RIMS2: variants seen among roughly 807,000 people sequenced by gnomAD.
RIMS2 encodes the protein regulating synaptic membrane exocytosis protein 2.
In RIMS2, 59 loss-of-function variants were observed where a neutral mutation model predicts 174.4. The ratio of observed to expected loss-of-function variants is 0.34; its 90% CI spans 0.27 to 0.42. The LOEUF (loss-of-function observed/expected upper bound fraction) is 0.42. RIMS2 is among the 10% of genes least tolerant of loss of function. The pLI is 1.00. For missense variants in RIMS2, 1,620 were observed against 1,666.3 expected, an observed-to-expected ratio of 0.97 and a Z score of 0.48; for synonymous variants, 606 against 572.5, an observed-to-expected ratio of 1.06 and a Z score of -0.84.
At chr8:104,100,176 CT>C (rs2130917881) in intron 19 of RIMS2, among the ~76,000 whole-genome samples, 1 of 152,092 alleles carries the variant, frequency 6.6e-6, no homozygotes, top group African/African-American at 2.4e-5. Context: ...TCTTTTACTT[CT>C]TTTGTTAAAT....
At chr8:103,909,547 T>G (rs1436133440) in intron 4 of RIMS2, among the ~76,000 whole-genome samples, 1 of 152,178 alleles carries the variant, frequency 6.6e-6, no homozygotes, top group Non-Finnish European at 1.5e-5. Context: ...TGAACCTGTT[T>G]TATAATTTTC....
intron 1 of RIMS2, among the ~76,000 whole-genome samples, chr8:103,531,852 A>T (rs967453838): frequency 6.6e-6 from 1 of 152,192 alleles, no homozygotes; most frequent in Non-Finnish European, 1.5e-5. Flanking sequence ...ACAGTTGCTA[A>T]ATATTTATTT....
chr8:104,177,862 T>C (rs559072044), intron 19 of RIMS2, among the ~76,000 whole-genome samples: 18 of 152,232 alleles, frequency 1.2e-4, no homozygotes, highest in South Asian at 6.2e-4. Context: ...CCATAACAGA[T>C]AGAGGAAAAG....
intron 15 of RIMS2, among the ~76,000 whole-genome samples, chr8:103,972,383 A>G (rs529077200): frequency 6.6e-6 from 1 of 152,164 alleles, no homozygotes. Context: ...CACTTCTATA[A>G]TCTCTGTTAT....
intron 3 of RIMS2, among the ~76,000 whole-genome samples, chr8:103,861,483 C>T (rs1603496): frequency 0.64 from 97,381 of 151,910 alleles, 31,977 homozygotes; most frequent in Non-Finnish European, 0.69. Flanking sequence ...TTATTTTCGT[C>T]TGGGTAGACA....
At chr8:103,586,732 GAATA>G (rs2093941933) in intron 1 of RIMS2, among the ~76,000 whole-genome samples, 1 of 151,582 alleles carries the variant, frequency 6.6e-6, no homozygotes, top group Non-Finnish European at 1.5e-5. Context: ...AGAAAAGAAA[GAATA>G]AAGATCAGAG....
intron 1 of RIMS2, among the ~76,000 whole-genome samples, chr8:103,623,883 A>T (rs2095708924): frequency 6.6e-6 from 1 of 152,220 alleles, no homozygotes; most frequent in Non-Finnish European, 1.5e-5. Flanking sequence ...CATTAACTAA[A>T]TATCCTCTGA....
intron 1 of RIMS2, among the ~76,000 whole-genome samples, chr8:103,557,616 T>C (rs1468844500): frequency 6.6e-6 from 1 of 152,192 alleles, no homozygotes; most frequent in Non-Finnish European, 1.5e-5. Flanking sequence ...CCTTGATAAT[T>C]TCTACCATAC....
At chr8:103,531,307 A>C (rs1217538485) in intron 1 of RIMS2, among the ~76,000 whole-genome samples, 1 of 152,176 alleles carries the variant, frequency 6.6e-6, no homozygotes, top group East Asian at 1.9e-4. Context: ...AAATATACAG[A>C]CTGCATTCTC....
intron 19 of RIMS2, among the ~76,000 whole-genome samples, chr8:104,095,976 T>C (rs535696535): frequency 6.6e-6 from 1 of 152,308 alleles, no homozygotes; most frequent in African/African-American, 2.4e-5. Context: ...GCATTAAACA[T>C]AAAAATGAAT....
At chr8:103,835,658 T>G (rs1430869472) in intron 3 of RIMS2, among the ~76,000 whole-genome samples, 1 of 152,214 alleles carries the variant, frequency 6.6e-6, no homozygotes. Context: ...TGTTCTTTTA[T>G]ATTTTAAGTT....
At chr8:103,937,166 G>A (rs576951849) in intron 13 of RIMS2, among the ~76,000 whole-genome samples, 1 of 151,916 alleles carries the variant, frequency 6.6e-6, no homozygotes, top group African/African-American at 2.4e-5. Context: ...TATCTGCAAA[G>A]GTAGGCACAA....
At chr8:103,628,581 T>C (rs1375715875) in intron 1 of RIMS2, among the ~76,000 whole-genome samples, 1 of 151,940 alleles carries the variant, frequency 6.6e-6, no homozygotes, top group African/African-American at 2.4e-5. Context: ...CTCGAACTCC[T>C]GACCTCAGGT....
At chr8:103,600,175 C>T (rs1479492797) in intron 1 of RIMS2, among the ~76,000 whole-genome samples, 1 of 152,144 alleles carries the variant, frequency 6.6e-6, no homozygotes, top group Non-Finnish European at 1.5e-5. Flanking sequence ...CTGTCTTACC[C>T]CCAGTTGCAT....
intron 1 of RIMS2, among the ~76,000 whole-genome samples, chr8:103,643,232 A>G (rs1219409473): frequency 2.0e-5 from 3 of 151,546 alleles, no homozygotes; most frequent in African/African-American, 7.3e-5. Context: ...CTTTTATATT[A>G]TTTTTTATTT....
chr8:103,879,724 A>G (rs1440490449), intron 3 of RIMS2, among the ~76,000 whole-genome samples: 1 of 151,620 alleles, frequency 6.6e-6, no homozygotes, highest in East Asian at 1.9e-4. Context: ...TGTGAGATCT[A>G]AAAACAGCAC....
At chr8:103,634,527 T>A (rs2096025068) in intron 1 of RIMS2, among the ~76,000 whole-genome samples, 1 of 152,262 alleles carries the variant, frequency 6.6e-6, no homozygotes, top group Non-Finnish European at 1.5e-5. Flanking sequence ...TGTAAAGGTT[T>A]ATCAGATCCA....
At chr8:103,697,167 G>C in exon 2 of RIMS2, 1 of 1,613,644 alleles carries the variant, frequency 6.2e-7, no homozygotes, top group South Asian at 1.1e-5. Flanking sequence ...AAGAACAGAA[G>C]GGTGATGCGC....
intron 2 of RIMS2, among the ~76,000 whole-genome samples, chr8:103,741,100 A>T (rs4734728): frequency 0.23 from 34,897 of 151,894 alleles, 4,293 homozygotes; most frequent in Non-Finnish European, 0.25. Flanking sequence ...TTAATACACA[A>T]TTGTTTAAAA....
Sources: gnomAD v4.1 joint callset for allele counts (sites outside exome capture counted in the v4.1 genomes callset) on GRCh38, gnomAD v4.1.1 for gene constraint, MANE v1.5 for transcripts, NCBI Gene and HGNC (gene_info 2026-07-23, HGNC 2026-07-21) for gene names.